Variants in TAPBP observed in about 807,000 individuals in gnomAD.
The protein encoded by TAPBP is TAP binding protein, also known as tapasin.
In TAPBP, 38 loss-of-function variants were observed where a neutral mutation model predicts 45.7. The ratio of observed to expected loss-of-function variants is 0.83; its 90% CI spans 0.64 to 1.09. The LOEUF is 1.09. Ranked by LOEUF, TAPBP falls within the 50% of genes least tolerant of loss-of-function variation. TAPBP has a pLI of 0.00. For synonymous variants in TAPBP, 226 were observed against 254.8 expected (o/e 0.89, Z 1.08); for missense variants, 513 against 587.3 (o/e 0.87, Z 1.31).
intron 3 of TAPBP, among the ~76,000 whole-genome samples, chr6:33,306,878 C>T (rs566277552): frequency 1.3e-5 from 2 of 148,998 alleles, no homozygotes; most frequent in African/African-American, 5.1e-5. Context: ...CTCGGGAGAC[C>T]GAGGCAGTAG....
Position 33,301,581 on chromosome 6 carries a change from A to G in TAPBP, c.*179T>C, listed in dbSNP as rs1303547124. 2.7e-5 allele frequency: 17 copies of G among 618,584 alleles called. No individual in the cohort carries two copies. The East Asian group carries it at 4.0e-4, about 15-fold the overall frequency. The allele number at this position is 618,584 out of a possible 1,614,324, so 38.3% of individuals were successfully genotyped here. On this transcript the variant is annotated 3_prime_UTR_variant, in exon 8 of 8. Transcript: ENST00000434618. Reference sequence around the variant, plus strand: ...AGAGTGAGACTCCGTCTCAAAAAAAAAAAAAAAAGAAAAATTATCCCTTAT... The same window carrying G: ...AGAGTGAGACTCCGTCTCAAAAAAAGAAAAAAAAGAAAAATTATCCCTTAT...
chr6:33,312,997 C>T (rs1274194195), intron 3 of TAPBP: 7 of 464,242 alleles, frequency 1.5e-5, no homozygotes, highest in African/African-American at 4.1e-5. Flanking sequence ...CTACCCCCTG[C>T]CAAGCTGCAG....
At chr6:33,307,394 C>CTTT (rs9280398) in intron 3 of TAPBP, among the ~76,000 whole-genome samples, 3 of 88,738 alleles carry the variant, frequency 3.4e-5, no homozygotes, top group Non-Finnish European at 6.3e-5. Flanking sequence ...AGCCCTGCTT[C>CTTT]TTTTTTTTTT....
intron 3 of TAPBP, among the ~76,000 whole-genome samples, chr6:33,307,812 T>C (rs1163674652): frequency 6.6e-6 from 1 of 152,178 alleles, no homozygotes; most frequent in Non-Finnish European, 1.5e-5. Flanking sequence ...CTACAACCTA[T>C]GGTTGTTGAG....
intron 3 of TAPBP, among the ~76,000 whole-genome samples, chr6:33,309,806 C>T (rs1465567136): frequency 1.3e-5 from 2 of 148,762 alleles, no homozygotes; most frequent in African/African-American, 5.0e-5. Context: ...CTCACTGCAA[C>T]CTCCGCCTCC....
At position 33,303,949 on chromosome 6, in the gene TAPBP, C is replaced by T; in HGVS notation, c.1335+6G>A. On this transcript the variant is annotated splice_donor_region_variant and intron_variant, in intron 7 of 7. Coordinates refer to ENST00000434618, the MANE Select transcript of TAPBP (RefSeq NM_003190.5). ...GGGAAAGATACAGAGAGGTGGAGCA[C>T]TGTACCTTCTTTGAATCCTTGCAGG... 2 of 1,613,926 alleles carry T rather than the reference C, an allele frequency of 1.2e-6. No homozygotes were observed. Among genetic ancestry groups the T allele is most frequent in the Non-Finnish European group, 1.7e-6 (2 of 1,180,004 alleles).
chr6:33,303,907 A>G (rs1768755377), intron 7 of TAPBP, 48 bp downstream of exon 7: 2 of 1,613,966 alleles, frequency 1.2e-6, no homozygotes, highest in Non-Finnish European at 1.7e-6. Context: ...AGATAGGATG[A>G]GGAGATAAAG....
chr6:33,304,122 A>G lies in TAPBP; in HGVS notation c.1300+6T>C, dbSNP rs1179885030. The G allele has an allele frequency of 1.1e-5, 18 of 1,613,048 alleles. No homozygotes were observed. Among genetic ancestry groups the G allele is most frequent in the Non-Finnish European group, 1.5e-5 (18 of 1,179,660 alleles). ...AGGTCATGGTCAGGGTAGGGCTGAC[A>G]CTTACCAGCCCAGCCCAGTGCCTTG... On this transcript the variant is annotated splice_donor_region_variant and intron_variant, in intron 6 of 7. Coordinates refer to ENST00000434618, the MANE Select transcript of TAPBP (RefSeq NM_003190.5).
Position 33,301,629 on chromosome 6 carries a change from AG to A in TAPBP, c.*130del. ...TATATAAGTGAAAGAAAAAAAAAAA[AG>A]CATTCCAGCCACTCAGTGGAGAGAG... On this transcript the variant is annotated 3_prime_UTR_variant, in exon 8 of 8. Transcript: ENST00000434618. 11 of 781,274 alleles carry A rather than the reference AG, an allele frequency of 1.4e-5. No homozygotes were observed. The highest frequency in any genetic ancestry group is 5.5e-5 in the East Asian group (2 of 36,668). 48.4% of individuals were successfully genotyped at this position (781,274 alleles called of 1,614,324 possible).
rs367628905 is a variant in TAPBP at position 33,305,147 on chromosome 6, G to A, written c.710C>T (p.Ala237Val). The change falls in exon 4 of 8, where the codon GCA (alanine) becomes GTA (valine). Residue 237 changes from alanine to valine, a missense_variant. Coordinates refer to ENST00000434618, the MANE Select transcript of TAPBP (RefSeq NM_003190.5). This position sits in a 1 kb window ranked among gnomAD's most constrained non-coding sequence, Gnocchi z 4.4. Reference sequence around the variant, plus strand: ...CTCATCATCATCCCAAGCAGCAAATGCCACGGCCCCTTCTTGGGCTGCTGG... The same window carrying A: ...CTCATCATCATCCCAAGCAGCAAATACCACGGCCCCTTCTTGGGCTGCTGG... ...QMPAAQEGAV[A>V]FAAWDDDEPW... 6.2e-7 allele frequency: 1 copy of A among 1,614,206 alleles called. No individual in the cohort carries two copies. Among genetic ancestry groups the A allele is most frequent in the Non-Finnish European group, 8.5e-7 (1 of 1,180,046 alleles).
chr6:33,306,963 AG>A (rs1388361998), intron 3 of TAPBP, among the ~76,000 whole-genome samples: 1 of 126,310 alleles, frequency 7.9e-6, no homozygotes, highest in Non-Finnish European at 1.6e-5. Flanking sequence ...GGGCAATAAG[AG>A]GGAAACCCCG....
chr6:33,313,821 A>T lies in TAPBP; in HGVS notation c.81T>A (p.Cys27Ter), dbSNP rs754987188. 1.9e-6 allele frequency: 3 copies of T among 1,613,662 alleles called. No homozygotes were observed. Among genetic ancestry groups the T allele is most frequent in the African/African-American group, 1.3e-5 (1 of 74,886 alleles). Residue 27 changes from cysteine to a stop codon, truncating the protein, a stop_gained, in exon 2 of 8, where the codon TGT becomes TGA. Transcript: ENST00000434618. LOFTEE classifies it high-confidence loss of function. The surrounding 1 kb of genome is among the most constrained non-coding windows in gnomAD (Gnocchi z 7.2). ...TTCCGCTCGCATCCTCCACGAACCA[A>T]CACTCGATCACCGCGGGTCCTGCTG... is the stretch of plus-strand genomic sequence containing the variant. ...AVSAGPAVIE[C>*]WFVEDASGKG...
At chr6:33,304,786 G>T in intron 4 of TAPBP, 148 bp from the exon 5 acceptor site, 2 of 1,242,840 alleles carry the variant, frequency 1.6e-6, no homozygotes, top group Non-Finnish European at 2.2e-6. Context: ...CTCCATTGGT[G>T]CGTCACAGAA....
Position 33,305,106 on chromosome 6 carries a change from T to C in TAPBP, c.751A>G (p.Thr251Ala), listed in dbSNP as rs1768879816. Residue 251 changes from threonine to alanine, a missense_variant, in exon 4 of 8, where the codon ACC becomes GCC. By Grantham distance (58) the Thr-to-Ala change is moderately conservative. Transcript: ENST00000434618. The surrounding 1 kb of genome is among the most constrained non-coding windows in gnomAD (Gnocchi z 4.4). ...GGCAGCCAGAAGGTCCCATTTCCGGTCCATGGGCCCCATGGCTCATCATCA... is the reference window on the plus strand; with the variant it reads ...GGCAGCCAGAAGGTCCCATTTCCGGCCCATGGGCCCCATGGCTCATCATCA... ...WDDDEPWGPW[T>A]GNGTFWLPTV... 2 of 1,614,130 alleles carry C rather than the reference T, an allele frequency of 1.2e-6. No homozygotes were observed. The highest frequency in any genetic ancestry group is 1.7e-6 in the Non-Finnish European group (2 of 1,180,010).
intron 4 of TAPBP, 141 bp downstream of exon 4, chr6:33,304,848 A>C: frequency 7.3e-7 from 1 of 1,376,986 alleles, no homozygotes; most frequent in Non-Finnish European, 9.9e-7. Flanking sequence ...GCCTCCCATT[A>C]CCCCTCTAAC....
At position 33,304,396 on chromosome 6, in the gene TAPBP, C is replaced by A; in HGVS notation, c.1111G>T (p.Val371Phe). 1.2e-6 allele frequency: 2 copies of A among 1,612,674 alleles called. No individual in the cohort carries two copies. The highest frequency in any genetic ancestry group is 2.2e-5 in the South Asian group (2 of 90,906). Residue 371 changes from valine to phenylalanine, a missense_variant, in exon 5 of 8, where the codon GTC (valine) becomes TTC (phenylalanine). Val to Phe is a conservative substitution (Grantham distance 50, BLOSUM62 -1). Transcript: ENST00000434618. ...CGTGCCCCATGCTGCTCAGTGGTGACTGGGGGCGGCTGCAAGTGCCCAGAG... is the reference window on the plus strand; with the variant it reads ...CGTGCCCCATGCTGCTCAGTGGTGAATGGGGGCGGCTGCAAGTGCCCAGAG... ...SLSGHLQPPPVTTEQHGARYA... is the reference protein window; with the variant it reads ...SLSGHLQPPPFTTEQHGARYA...
rs1202018349 is a variant in TAPBP at position 33,313,628 on chromosome 6, C to T, written c.208+66G>A. The T allele has an allele frequency of 6.4e-7, 1 of 1,569,682 alleles. No individual in the cohort carries two copies. The highest frequency in any genetic ancestry group is 1.8e-5 in the Admixed American group (1 of 55,526). ...CTGAGGCCTGAGGTCACTGCCGGATCTAAAGAGGAGGGGGTTTCGGTGGAG... is the reference window on the plus strand; with the variant it reads ...CTGAGGCCTGAGGTCACTGCCGGATTTAAAGAGGAGGGGGTTTCGGTGGAG... On this transcript the variant is annotated intron_variant, in intron 2 of 7. Coordinates refer to ENST00000434618, the MANE Select transcript of TAPBP (RefSeq NM_003190.5). This position sits in a 1 kb window ranked among gnomAD's most constrained non-coding sequence, Gnocchi z 7.2.
intron 7 of TAPBP, among the ~76,000 whole-genome samples, chr6:33,302,130 ATTTTC>A (rs58357431): frequency 0.024 from 3,361 of 137,816 alleles, 117 homozygotes; most frequent in African/African-American, 0.081. Context: ...GCTGCAATTT[ATTTTC>A]TTTTCTTTCT....
chr6:33,303,981 G>T lies in TAPBP; in HGVS notation c.1309C>A (p.Leu437Met). ...FKALGWAAVY[L>M]STCKDSKKKA... ...TTCTTTGAATCCTTGCAGGTGGACA[G>T]GTAGACAGCTGTGGGGAAAGATTGA... is the stretch of plus-strand genomic sequence containing the variant. The change falls in exon 7 of 8, where the codon CTG (leucine) becomes ATG (methionine). Residue 437 changes from leucine to methionine, a missense_variant. Physicochemically the swap from Leu to Met is conservative, Grantham distance 15. Transcript: ENST00000434618. 2 of 1,613,972 alleles carry T rather than the reference G, an allele frequency of 1.2e-6. No individual in the cohort carries two copies. The highest frequency in any genetic ancestry group is 8.5e-7 in the Non-Finnish European group (1 of 1,179,992).
Sources: allele counts gnomAD v4.1 joint callset (sites outside exome capture counted in the v4.1 genomes callset), GRCh38; gene constraint gnomAD v4.1.1; non-coding constraint Gnocchi (gnomAD v3.1); transcripts MANE v1.5; gene names NCBI Gene and HGNC (gene_info 2026-07-23, HGNC 2026-07-21).